The following DPP6 variants were observed in gnomAD, a reference collection of about 807,000 sequenced individuals.
DPP6 encodes the protein dipeptidyl peptidase like 6, also known as A-type potassium channel modulatory protein DPP6.
DPP6 carries 69 observed loss-of-function variants against 122.6 expected under a neutral mutation model. The observed-to-expected ratio is 0.56, with a 90% CI of 0.46 to 0.69. DPP6 has a LOEUF of 0.69. Ranked by LOEUF, DPP6 falls within the 30% of genes least tolerant of loss-of-function variation. The pLI, the probability that DPP6 is intolerant of heterozygous loss-of-function variation, is 0.00. For synonymous variants in DPP6, 418 were observed against 433.1 expected (o/e 0.97, Z 0.43); for missense variants, 928 against 1,116.9 (o/e 0.83, Z 2.41).
chr7:154,464,513 G>A (rs1463938547), intron 2 of DPP6, among the ~76,000 whole-genome samples: 1 of 152,082 alleles, frequency 6.6e-6, no homozygotes, highest in Non-Finnish European at 1.5e-5. Context: ...GCTTTTATTT[G>A]GCCATCTTGC....
intron 7 of DPP6, among the ~76,000 whole-genome samples, chr7:154,689,874 G>A (rs536718316): frequency 2.0e-5 from 3 of 152,248 alleles, no homozygotes; most frequent in South Asian, 2.1e-4. Context: ...GCATTACCAC[G>A]TGACTTGTCA....
At chr7:154,195,541 T>C (rs1798822670) in intron 1 of DPP6, among the ~76,000 whole-genome samples, 1 of 152,148 alleles carries the variant, frequency 6.6e-6, no homozygotes, top group Non-Finnish European at 1.5e-5. Context: ...TCACGGATGC[T>C]CTTCTGTGGC....
chr7:154,165,837 T>G (rs1011780210), intron 1 of DPP6, among the ~76,000 whole-genome samples: 5 of 152,190 alleles, frequency 3.3e-5, no homozygotes, highest in Non-Finnish European at 7.3e-5. Context: ...GTCCTTTGCC[T>G]GAAACTGGGT....
In DPP6 at chr7:154,875,401, G is replaced by T. The variant is rs1340564982; in HGVS notation, c.1884-505G>T. Among the ~76,000 whole-genome samples the T allele has an allele frequency of 3.9e-5, 6 of 152,210 alleles. No individual in the cohort carries two copies. Among genetic ancestry groups the T allele is most frequent in the Non-Finnish European group, 7.3e-5 (5 of 68,042 alleles). ...CTCCCGAGCAGAGGGAGGGAGAAAG[G>T]CCACCCATATGGCGGGTTTGCTGTT... On this transcript the variant is annotated intron_variant, in intron 19 of 25. Coordinates refer to ENST00000377770, the MANE Select transcript of DPP6 (RefSeq NM_130797.4). This position sits in a 1 kb window ranked among gnomAD's most constrained non-coding sequence, Gnocchi z 4.5.
chr7:153,791,424 C>CTTT, the DPP6 span, among the ~76,000 whole-genome samples: 3 of 91,630 alleles, frequency 3.3e-5, no homozygotes, highest in South Asian at 4.2e-4. Context: ...TCCTTCCTTT[C>CTTT]TTTTTTTTTT....
Position 153,905,348 on chromosome 7 carries a change from G to A in DPP6, c.51+17614G>A, listed in dbSNP as rs1343353628. On this transcript the variant is annotated intron_variant, in intron 1 of 25. Coordinates refer to the DPP6 transcript ENST00000404039. ...AGGGGCCAGAAACAGAAGAGCAGGA[G>A]GGGGAGTGGGGAGAAATGTTTGCTT... Among the ~76,000 whole-genome samples, 6 of 152,274 alleles carry A rather than the reference G, an allele frequency of 3.9e-5. No homozygotes were observed. In the East Asian group the frequency reaches 1.2e-3, roughly 29 times the overall value.
At chr7:154,355,763 A>C (rs781065022) in intron 1 of DPP6, among the ~76,000 whole-genome samples, 7 of 152,144 alleles carry the variant, frequency 4.6e-5, no homozygotes, top group African/African-American at 1.7e-4. Context: ...TATCTTGTTA[A>C]CTGGTAGTTT....
the DPP6 span, among the ~76,000 whole-genome samples, chr7:153,879,915 G>C: frequency 6.6e-6 from 1 of 152,232 alleles, no homozygotes; most frequent in South Asian, 2.1e-4. Context: ...GGGCCCAAAA[G>C]TCCCCGCTAT....
intron 8 of DPP6, 99 bp from the exon 9 acceptor site, chr7:154,769,318 G>C: frequency 6.6e-7 from 1 of 1,506,262 alleles, no homozygotes; most frequent in Non-Finnish European, 9.1e-7. Flanking sequence ...GCTCTGCAGG[G>C]ACTCGTTTCT....
chr7:154,023,382 A>G (rs1011505291), intron 1 of DPP6, among the ~76,000 whole-genome samples: 1 of 148,114 alleles, frequency 6.8e-6, no homozygotes, highest in African/African-American at 2.5e-5. Context: ...TGCATTCCCC[A>G]AATAATAATA....
At chr7:154,662,108 G>T (rs1837733270) in intron 6 of DPP6, among the ~76,000 whole-genome samples, 1 of 150,906 alleles carries the variant, frequency 6.6e-6, no homozygotes, top group African/African-American at 2.4e-5. Flanking sequence ...AATCACCATG[G>T]CATATTGGCG....
intron 6 of DPP6, among the ~76,000 whole-genome samples, chr7:154,652,079 C>G (rs1836911654): frequency 6.6e-6 from 1 of 152,132 alleles, no homozygotes; most frequent in Non-Finnish European, 1.5e-5. Flanking sequence ...GGATACTGTC[C>G]TGAGAATTAG....
chr7:154,022,818 T>C (rs945695804), intron 1 of DPP6, among the ~76,000 whole-genome samples: 3 of 152,212 alleles, frequency 2.0e-5, no homozygotes. Context: ...GAAATCTTAG[T>C]GCAGATTGTG....
intron 1 of DPP6, among the ~76,000 whole-genome samples, chr7:154,244,732 GA>G (rs1319780516): frequency 3.9e-5 from 6 of 152,070 alleles, no homozygotes; most frequent in Admixed American, 6.6e-5. Context: ...TAAGGGAATT[GA>G]AAATGGAAGG....
At chr7:154,447,983 G>A (rs968360813) in intron 2 of DPP6, among the ~76,000 whole-genome samples, 1 of 152,160 alleles carries the variant, frequency 6.6e-6, no homozygotes, top group Non-Finnish European at 1.5e-5. Context: ...GCAGAAGACT[G>A]AAATCAGTCC....
chr7:153,986,926 A>C (rs1448020510), intron 1 of DPP6, among the ~76,000 whole-genome samples: 3 of 151,796 alleles, frequency 2.0e-5, no homozygotes, highest in African/African-American at 7.3e-5. Context: ...ATTTAATTTG[A>C]ATGAAGCTGT....
At chr7:153,996,805 T>TC (rs1477078877) in intron 1 of DPP6, among the ~76,000 whole-genome samples, 11 of 152,188 alleles carry the variant, frequency 7.2e-5, no homozygotes, top group African/African-American at 2.7e-4. Flanking sequence ...AAGATAGATA[T>TC]TCAGAGTGGT....
intron 1 of DPP6, among the ~76,000 whole-genome samples, chr7:154,129,823 C>A (rs965836403): frequency 2.0e-5 from 3 of 151,900 alleles, no homozygotes; most frequent in African/African-American, 7.3e-5. Context: ...TGGCACAAAC[C>A]CAGGAGGCAG....
chr7:154,675,981 C>T (rs1178000186), intron 7 of DPP6, among the ~76,000 whole-genome samples: 2 of 152,238 alleles, frequency 1.3e-5, no homozygotes, highest in Admixed American at 6.5e-5. Flanking sequence ...TCCGTACTTG[C>T]TTGATACAGG....
Sources: allele counts gnomAD v4.1 joint callset (sites outside exome capture counted in the v4.1 genomes callset), GRCh38; gene constraint gnomAD v4.1.1; non-coding constraint Gnocchi (gnomAD v3.1); transcripts MANE v1.5; gene names NCBI Gene and HGNC (gene_info 2026-07-23, HGNC 2026-07-21).